The following CNTNAP2 variants were observed in gnomAD, a reference collection of about 807,000 sequenced individuals.
CNTNAP2 encodes the protein contactin-associated protein-like 2.
Under a neutral mutation model 155.2 loss-of-function variants are expected in CNTNAP2, and 98 were observed. The ratio of observed to expected loss-of-function variants is 0.63; its 90% CI spans 0.54 to 0.75. The LOEUF (loss-of-function observed/expected upper bound fraction) is 0.75, where lower values mean the gene tolerates loss of function less well. Ranked by LOEUF, CNTNAP2 falls within the 30% of genes least tolerant of loss-of-function variation. CNTNAP2 has a pLI of 0.00. For missense variants in CNTNAP2, 1,727 were observed against 1,688.1 expected, an observed-to-expected ratio of 1.02 and a Z score of -0.40; for synonymous variants, 651 against 631.2, an observed-to-expected ratio of 1.03 and a Z score of -0.47.
chr7:148,404,734 C>G (rs1799659532), intron 22 of CNTNAP2, among the ~76,000 whole-genome samples: 1 of 152,116 alleles, frequency 6.6e-6, no homozygotes, highest in Admixed American at 6.5e-5. Context: ...CCTTGTCTGG[C>G]ATCCAGGAAG....
intron 4 of CNTNAP2, among the ~76,000 whole-genome samples, chr7:147,060,854 A>G (rs1799653007): frequency 6.9e-6 from 1 of 144,478 alleles, no homozygotes. Flanking sequence ...ACAGAGCGAG[A>G]CTCTGTCTCA....
chr7:146,184,546 T>G (rs1232284372), intron 1 of CNTNAP2, among the ~76,000 whole-genome samples: 1 of 152,170 alleles, frequency 6.6e-6, no homozygotes, highest in African/African-American at 2.4e-5. Context: ...ATTTTAATTT[T>G]TATTTTTGTG....
intron 3 of CNTNAP2, among the ~76,000 whole-genome samples, chr7:147,027,010 A>C (rs1563049214): frequency 6.9e-6 from 1 of 144,568 alleles, no homozygotes; most frequent in South Asian, 2.2e-4. Context: ...AACAGAAAAA[A>C]AAAAAAACAA....
chr7:147,150,614 T>C (rs1801805891), intron 8 of CNTNAP2, among the ~76,000 whole-genome samples: 1 of 152,152 alleles, frequency 6.6e-6, no homozygotes, highest in African/African-American at 2.4e-5. Context: ...AGATACTAAT[T>C]TCACTAGATA....
intron 8 of CNTNAP2, among the ~76,000 whole-genome samples, chr7:147,249,365 A>C (rs932469469): frequency 6.6e-6 from 1 of 152,130 alleles, no homozygotes; most frequent in Non-Finnish European, 1.5e-5. Flanking sequence ...TAAGAGGCAC[A>C]AGTTATCAAA....
At chr7:146,817,016 G>A (rs1803184562) in intron 2 of CNTNAP2, among the ~76,000 whole-genome samples, 1 of 152,076 alleles carries the variant, frequency 6.6e-6, no homozygotes, top group African/African-American at 2.4e-5. Flanking sequence ...AATTGAGAGG[G>A]GAAAGGCAGG....
chr7:146,531,204 G>A (rs1196548800), intron 1 of CNTNAP2, among the ~76,000 whole-genome samples: 1 of 152,112 alleles, frequency 6.6e-6, no homozygotes, highest in Non-Finnish European at 1.5e-5. Context: ...GAATGACAGA[G>A]ACTGGGGGCT....
intron 1 of CNTNAP2, among the ~76,000 whole-genome samples, chr7:146,501,202 C>G (rs548198468): frequency 3.3e-5 from 5 of 152,118 alleles, no homozygotes; most frequent in Admixed American, 3.3e-4. Context: ...CCTTCACATA[C>G]TTTTGGTATG....
intron 13 of CNTNAP2, among the ~76,000 whole-genome samples, chr7:147,853,948 A>G (rs1798994096): frequency 1.3e-5 from 2 of 152,218 alleles, no homozygotes; most frequent in Non-Finnish European, 2.9e-5. Flanking sequence ...AACCTAAACT[A>G]TCTTGTAGAA....
At position 147,041,991 on chromosome 7, in the gene CNTNAP2, T is replaced by G. The variant is rs140671025; in HGVS notation, c.403-1916T>G. The stretch of plus-strand genomic sequence containing the variant: ...TAGCCATGGTTTAATGGAATGCTTG[T>G]TTAGATTTTTAGATTCTTTGTAAAA... On this transcript the variant is annotated intron_variant, in intron 3 of 23. Transcript: ENST00000361727. 3.7e-3 allele frequency among the ~76,000 whole-genome samples: 566 copies of G among 152,308 alleles called. 9 individuals are homozygous for G. The highest frequency in any genetic ancestry group is 0.014 in the Middle Eastern group (4 of 294).
At chr7:146,811,257 T>G (rs971603806) in intron 2 of CNTNAP2, among the ~76,000 whole-genome samples, 1 of 152,194 alleles carries the variant, frequency 6.6e-6, no homozygotes, top group Non-Finnish European at 1.5e-5. Flanking sequence ...AGTGATGCCA[T>G]GTGTTTTAGG....
chr7:146,993,522 C>A (rs149444756), intron 3 of CNTNAP2, among the ~76,000 whole-genome samples: 1 of 152,014 alleles, frequency 6.6e-6, no homozygotes, highest in South Asian at 2.1e-4. Context: ...CTTTTCCTGG[C>A]GCTGGCTGTG....
chr7:147,891,318 C>T (rs920482226), intron 13 of CNTNAP2, among the ~76,000 whole-genome samples: 10 of 152,056 alleles, frequency 6.6e-5, no homozygotes, highest in Admixed American at 1.3e-4. Context: ...GATTCTCCTT[C>T]CGCGGCCTCC....
At chr7:147,864,443 A>G (rs989355008) in intron 13 of CNTNAP2, among the ~76,000 whole-genome samples, 1 of 151,456 alleles carries the variant, frequency 6.6e-6, no homozygotes, top group African/African-American at 2.4e-5. Flanking sequence ...ACTTTAAAGT[A>G]GTTTTTTCCA....
At chr7:148,010,091 A>C (rs1802049559) in intron 15 of CNTNAP2, among the ~76,000 whole-genome samples, 1 of 152,040 alleles carries the variant, frequency 6.6e-6, no homozygotes, top group East Asian at 1.9e-4. Flanking sequence ...AGTATTGGCA[A>C]ATTCCATTTT....
rs77964232 is a variant in CNTNAP2 at position 147,633,058 on chromosome 7, A to G, written c.1898-6048A>G. Among the ~76,000 whole-genome samples, 631 of 152,356 alleles carry G rather than the reference A, an allele frequency of 4.1e-3. 7 individuals are homozygous for G. In the East Asian group the frequency reaches 0.044, roughly 11 times the overall value. ...TCAAACAGGCTGCAGAAATTTGCAC[A>G]AGCAGCCCATCCCATCACAGGCCCA... is the stretch of plus-strand genomic sequence containing the variant. On this transcript the variant is annotated intron_variant, in intron 12 of 23. Coordinates refer to ENST00000361727, the MANE Select transcript of CNTNAP2 (RefSeq NM_014141.6).
intron 3 of CNTNAP2, among the ~76,000 whole-genome samples, chr7:146,872,846 G>A (rs1795341564): frequency 6.6e-6 from 1 of 152,164 alleles, no homozygotes; most frequent in African/African-American, 2.4e-5. Context: ...AAATGGTTCA[G>A]TGTTATCTGT....
intron 1 of CNTNAP2, among the ~76,000 whole-genome samples, chr7:146,644,870 A>T (rs1041685736): frequency 6.6e-6 from 1 of 152,120 alleles, no homozygotes; most frequent in Non-Finnish European, 1.5e-5. Context: ...GTCCAGGACC[A>T]GATGGATTCA....
intron 13 of CNTNAP2, among the ~76,000 whole-genome samples, chr7:147,752,204 T>G (rs1563076691): frequency 6.6e-6 from 1 of 152,208 alleles, no homozygotes; most frequent in East Asian, 1.9e-4. Context: ...AGAAGGAACA[T>G]ATTATTGACT....
Sources: allele counts gnomAD v4.1 joint callset (sites outside exome capture counted in the v4.1 genomes callset), GRCh38; gene constraint gnomAD v4.1.1; transcripts MANE v1.5; gene names NCBI Gene and HGNC (gene_info 2026-07-23, HGNC 2026-07-21).